UTS2B: variants seen among roughly 807,000 people sequenced by gnomAD.
UTS2B encodes urotensin-2B.
A neutral mutation model predicts 19.2 loss-of-function variants in UTS2B; 21 were observed. The observed-to-expected ratio is 1.09, with a 90% CI of 0.78 to 1.58. UTS2B has a LOEUF of 1.58. UTS2B is among the 40% of genes most tolerant of loss of function. The pLI is 0.00. For synonymous variants in UTS2B, 57 were observed against 50.2 expected (o/e 1.14, Z -0.58); for missense variants, 138 against 130.3 (o/e 1.06, Z -0.29).
At chr3:191,334,188 T>A (rs949718611), upstream of UTS2B, among the ~76,000 whole-genome samples, 4 of 152,024 alleles carry the variant, frequency 2.6e-5, no homozygotes, top group Non-Finnish European at 4.4e-5. Flanking sequence ...TAAAAAAAAA[T>A]TTTCCATGGT....
At chr3:191,341,386 G>A in the UTS2B span, among the ~76,000 whole-genome samples, 1 of 152,082 alleles carries the variant, frequency 6.6e-6, no homozygotes, top group Non-Finnish European at 1.5e-5. Context: ...AGGAACCTGA[G>A]GTTCAAAGAA....
intron 2 of UTS2B, among the ~76,000 whole-genome samples, chr3:191,319,905 C>A (rs1576936163): frequency 6.8e-6 from 1 of 147,614 alleles, no homozygotes. Context: ...TTTTTAAAAA[C>A]CTTACTTTTT....
At chr3:191,303,973 T>C (rs1717069015) in intron 4 of UTS2B, among the ~76,000 whole-genome samples, 3 of 152,094 alleles carry the variant, frequency 2.0e-5, no homozygotes. Context: ...TGGTGGCTTT[T>C]TTTTTTTCTT....
intron 8 of UTS2B, chr3:191,273,325 A>T (rs2108567698): frequency 2.7e-6 from 1 of 369,814 alleles, no homozygotes; most frequent in African/African-American, 2.1e-5. Flanking sequence ...GAGATAAAGG[A>T]TAGACTATGA....
chr3:191,312,845 G>A (rs966075134), intron 3 of UTS2B, among the ~76,000 whole-genome samples: 1 of 152,098 alleles, frequency 6.6e-6, no homozygotes. Flanking sequence ...AACCTACAAA[G>A]TGCTAACACT....
At chr3:191,340,590 A>G in the UTS2B span, among the ~76,000 whole-genome samples, 5 of 152,324 alleles carry the variant, frequency 3.3e-5, no homozygotes, top group East Asian at 9.6e-4. Flanking sequence ...AGTAAACTAT[A>G]ATTACATAAT....
At chr3:191,317,230 T>C (rs184867853) in intron 2 of UTS2B, among the ~76,000 whole-genome samples, 168 of 152,334 alleles carry the variant, frequency 1.1e-3, no homozygotes, top group African/African-American at 3.9e-3. Context: ...TCTCCTCAGC[T>C]GCTGGCCCGG....
intron 4 of UTS2B, among the ~76,000 whole-genome samples, chr3:191,296,016 C>T (rs1175416665): frequency 1.3e-5 from 2 of 152,180 alleles, no homozygotes; most frequent in African/African-American, 4.8e-5. Context: ...TGTAATACTA[C>T]CATTTAAAAT....
At chr3:191,337,579 G>A in the UTS2B span, among the ~76,000 whole-genome samples, 1 of 151,804 alleles carries the variant, frequency 6.6e-6, no homozygotes, top group Non-Finnish European at 1.5e-5. Flanking sequence ...TCCTGACCTC[G>A]TGATCCGCCC....
At chr3:191,297,787 G>A (rs1196021788) in intron 4 of UTS2B, among the ~76,000 whole-genome samples, 2 of 152,030 alleles carry the variant, frequency 1.3e-5, no homozygotes, top group South Asian at 2.1e-4. Flanking sequence ...TTTTATCATC[G>A]ATTATCCTAA....
At chr3:191,301,573 G>A (rs1390610373) in intron 4 of UTS2B, among the ~76,000 whole-genome samples, 2 of 137,206 alleles carry the variant, frequency 1.5e-5, no homozygotes, top group African/African-American at 2.8e-5. Context: ...TGCAAGCTCC[G>A]CCGCCTGGGT....
chr3:191,326,985 G>A (rs1186563158), intron 2 of UTS2B, among the ~76,000 whole-genome samples: 1 of 152,192 alleles, frequency 6.6e-6, no homozygotes, highest in Non-Finnish European at 1.5e-5. Flanking sequence ...AATAGTTGTG[G>A]CTATTATATA....
chr3:191,316,024 A>G lies in UTS2B; in HGVS notation c.-182+12T>C, dbSNP rs1407073489. 1 of 152,186 alleles carries G rather than the reference A, an allele frequency of 6.6e-6. No individual in the cohort carries two copies. The allele number at this position is 152,186 out of a possible 1,614,324, so 9.4% of individuals were successfully genotyped here. ...TTCTGCAAATTGGGTAAGGTCAGAG[A>G]GCTCTTCTTACCTGTGTCACAGGTG... On this transcript the variant is annotated intron_variant, in intron 3 of 8. Transcript: ENST00000340524.
chr3:191,308,565 C>A (rs1047305157), intron 3 of UTS2B, among the ~76,000 whole-genome samples: 1 of 152,072 alleles, frequency 6.6e-6, no homozygotes, highest in Non-Finnish European at 1.5e-5. Flanking sequence ...TTCTTTATTG[C>A]GAGGGGGTTG....
intron 5 of UTS2B, 45 bp from the exon 6 acceptor site, chr3:191,278,215 A>G: frequency 9.5e-7 from 1 of 1,057,500 alleles, no homozygotes. Flanking sequence ...GTCACCGAAA[A>G]TATTTCTAAT....
intron 4 of UTS2B, among the ~76,000 whole-genome samples, chr3:191,292,316 CT>C (rs1377206310): frequency 1.3e-5 from 2 of 152,062 alleles, no homozygotes; most frequent in Non-Finnish European, 2.9e-5. Context: ...AAGTCTTATG[CT>C]TCTTTGGTTC....
rs762936600 is a variant in UTS2B at position 191,275,281 on chromosome 3, C to G, written c.305G>C (p.Gly102Ala). 1.2e-6 allele frequency: 2 copies of G among 1,613,250 alleles called. No homozygotes were observed. The highest frequency in any genetic ancestry group is 2.7e-5 in the African/African-American group (2 of 74,886). Residue 102 changes from glycine to alanine, a missense_variant, in exon 8 of 9, where the codon GGT becomes GCT. By Grantham distance (60) the Gly-to-Ala change is moderately conservative. Transcript: ENST00000340524. ...KDSETSYAVDGLFSSHPSKRA... is the reference protein window; with the variant it reads ...KDSETSYAVDALFSSHPSKRA... ...TTTGCTAGGATGAGAAGAGAATAGA[C>G]CATCTACAGCATAGGACGTCTCAGA...
intron 2 of UTS2B, among the ~76,000 whole-genome samples, chr3:191,323,037 A>C (rs746161585): frequency 3.1e-4 from 47 of 152,218 alleles, no homozygotes; most frequent in Non-Finnish European, 5.9e-4. Context: ...TCACTCAACT[A>C]TCCAGAGTCC....
intron 4 of UTS2B, among the ~76,000 whole-genome samples, chr3:191,289,450 A>AT (rs56188122): frequency 3.4e-4 from 49 of 144,132 alleles, no homozygotes; most frequent in Admixed American, 7.0e-4. Flanking sequence ...AAATAAATAA[A>AT]AAACAAACGA....
Sources: gnomAD v4.1 joint callset for allele counts (sites outside exome capture counted in the v4.1 genomes callset) on GRCh38, gnomAD v4.1.1 for gene constraint, MANE v1.5 for transcripts, NCBI Gene and HGNC (gene_info 2026-07-23, HGNC 2026-07-21) for gene names.